The following AHNAK variants were observed in gnomAD, a reference collection of about 807,000 sequenced individuals.
AHNAK encodes AHNAK nucleoprotein, also known as neuroblast differentiation-associated protein AHNAK.
In AHNAK, 23 loss-of-function variants were observed where a neutral mutation model predicts 37.8. The observed-to-expected ratio is 0.61, with a 90% CI of 0.44 to 0.86. The LOEUF is 0.86. Among genes scored for constraint, AHNAK ranks in the 40% least tolerant of loss-of-function variants. The pLI, the probability that AHNAK is intolerant of heterozygous loss-of-function variation, is 0.00. For missense variants in AHNAK, 7,411 were observed against 7,319.4 expected, an observed-to-expected ratio of 1.01 and a Z score of -0.46; for synonymous variants, 2,481 against 2,636.3, an observed-to-expected ratio of 0.94 and a Z score of 1.80.
Position 62,529,451 on chromosome 11 carries a change from G to A in AHNAK, c.4966C>T (p.Pro1656Ser). Reference protein sequence around the residue: ...MHFKAPKISMPDVDLHLKGPK... With the variant: ...MHFKAPKISMSDVDLHLKGPK... ...CCTTTCAAGTGTAAGTCCACATCGG[G>A]CATGGAGATCTTGGGGGCCTTGAAA... Residue 1656 changes from proline (P) to serine (S), a missense_variant, in exon 5 of 5, where the codon CCC (proline) becomes TCC (serine). Physicochemically the swap from Pro to Ser is moderately conservative, Grantham distance 74. Coordinates refer to ENST00000378024, the MANE Select transcript of AHNAK (RefSeq NM_001620.3). 1 of 1,613,998 alleles carries A rather than the reference G, an allele frequency of 6.2e-7. No homozygotes were observed. The highest frequency in any genetic ancestry group is 8.5e-7 in the Non-Finnish European group (1 of 1,180,004).
chr11:62,485,832 C>T (rs1190979638), intron 5 of AHNAK, among the ~76,000 whole-genome samples: 3 of 151,020 alleles, frequency 2.0e-5, no homozygotes, highest in African/African-American at 7.3e-5. Context: ...GCCTGGCCAA[C>T]ATAGTGAAAT....
At chr11:62,440,811 G>T (rs1415132312) in intron 5 of AHNAK, among the ~76,000 whole-genome samples, 1 of 151,972 alleles carries the variant, frequency 6.6e-6, no homozygotes, top group Non-Finnish European at 1.5e-5. Context: ...AAGTTATAGT[G>T]GGGGTTCACA....
chr11:62,474,552 C>T (rs1939105399), intron 5 of AHNAK, among the ~76,000 whole-genome samples: 1 of 151,728 alleles, frequency 6.6e-6, no homozygotes, highest in African/African-American at 2.4e-5. Context: ...CTGAGAATTG[C>T]TGCCGCTTCT....
intron 1 of AHNAK, among the ~76,000 whole-genome samples, chr11:62,538,088 C>CAGT (rs1424235224): frequency 5.9e-5 from 9 of 152,110 alleles, no homozygotes; most frequent in Non-Finnish European, 1.0e-4. Context: ...TGTTCCACCT[C>CAGT]CCTCAGAGAC....
chr11:62,436,207 G>T (rs1386938932), intron 5 of AHNAK, among the ~76,000 whole-genome samples: 1 of 152,210 alleles, frequency 6.6e-6, no homozygotes, highest in Non-Finnish European at 1.5e-5. Context: ...TCATAAAGGG[G>T]CTGGGCTTCC....
Position 62,530,877 on chromosome 11 carries a change from A to C in AHNAK, c.3540T>G (p.Gly1180=), listed in dbSNP as rs941430791. Residue 1180 remains glycine, a synonymous_variant, in exon 5 of 5, where the codon GGT becomes GGG. Coordinates refer to ENST00000378024, the MANE Select transcript of AHNAK (RefSeq NM_001620.3). Reference sequence around the variant, plus strand: ...GCATCTCAGGCATCTTAAACTTGGGACCCTTCAGCTTCCCTTCTGGACCTT... The same window carrying C: ...GCATCTCAGGCATCTTAAACTTGGGCCCCTTCAGCTTCCCTTCTGGACCTT... The part of the protein sequence containing the change: ...SLEGPEGKLK[G]PKFKMPEMHF... The C allele has an allele frequency of 3.1e-6, 5 of 1,605,684 alleles. No individual in the cohort carries two copies. In the Admixed American group the frequency reaches 6.8e-5, roughly 22 times the overall value.
chr11:62,523,884 G>C lies in AHNAK; in HGVS notation c.10533C>G (p.Asn3511Lys). The C allele has an allele frequency of 6.2e-7, 1 of 1,614,054 alleles. No homozygotes were observed. The highest frequency in any genetic ancestry group is 8.5e-7 in the Non-Finnish European group (1 of 1,180,022). ...CCACATTGAGATCTGGGCCCTCAAT[G>C]TTCATACTTGGGCCCTCTATGTTGA... The part of the protein sequence containing the change: ...GDINIEGPSM[N>K]IEGPDLNVEG... The change falls in exon 5 of 5, where the codon AAC (asparagine) becomes AAG (lysine). Residue 3511 changes from asparagine to lysine, a missense_variant. Physicochemically the swap from Asn to Lys is moderately conservative, Grantham distance 94. Transcript: ENST00000378024.
intron 5 of AHNAK, among the ~76,000 whole-genome samples, chr11:62,460,114 G>C (rs1453088234): frequency 7.0e-6 from 1 of 143,140 alleles, no homozygotes; most frequent in Non-Finnish European, 1.5e-5. Flanking sequence ...GCAAAACTCC[G>C]TCTCAAAGAA....
Position 62,531,613 on chromosome 11 carries a change from T to C in AHNAK, c.2804A>G (p.Lys935Arg), listed in dbSNP as rs115789974. 24 of 1,613,510 alleles carry C rather than the reference T, an allele frequency of 1.5e-5. No individual in the cohort carries two copies. In the East Asian group the frequency reaches 3.6e-4, roughly 24 times the overall value. The change falls in exon 5 of 5, where the codon AAG (lysine) becomes AGG (arginine). Residue 935 changes from lysine (K) to arginine (R), a missense_variant. By Grantham distance (26) the Lys-to-Arg change is conservative. Transcript: ENST00000378024. ...PEGKLKGPKF[K>R]MPEMNIKAPK... ...GGCCTTGATATTCATCTCTGGCATC[T>C]TGAACTTGGGGCCCTTCAGCTTTCC...
chr11:62,436,566 A>G (rs1372663440), intron 5 of AHNAK, among the ~76,000 whole-genome samples: 1 of 151,612 alleles, frequency 6.6e-6, no homozygotes, highest in Admixed American at 6.6e-5. Flanking sequence ...CCAGGCACAT[A>G]TTGGGTGCTC....
At chr11:62,490,159 G>A (rs1939477521) in intron 5 of AHNAK, among the ~76,000 whole-genome samples, 1 of 151,788 alleles carries the variant, frequency 6.6e-6, no homozygotes, top group Non-Finnish European at 1.5e-5. Context: ...CAGCAAGAGG[G>A]GTTCGGGCTT....
chr11:62,477,803 A>G (rs1485975313), intron 5 of AHNAK, among the ~76,000 whole-genome samples: 2 of 142,886 alleles, frequency 1.4e-5, no homozygotes, highest in Non-Finnish European at 3.0e-5. Flanking sequence ...CTCCATCTCA[A>G]AAAAAAAAAA....
intron 5 of AHNAK, among the ~76,000 whole-genome samples, chr11:62,453,435 T>C (rs1938583743): frequency 6.6e-6 from 1 of 152,144 alleles, no homozygotes; most frequent in South Asian, 2.1e-4. Context: ...CTATAATTTA[T>C]TGGGTACTTA....
intron 5 of AHNAK, among the ~76,000 whole-genome samples, chr11:62,475,678 C>T (rs1184610036): frequency 6.9e-6 from 1 of 144,222 alleles, no homozygotes; most frequent in Non-Finnish European, 1.5e-5. Context: ...GATCTCAGCT[C>T]ACCGAAACCT....
intron 5 of AHNAK, among the ~76,000 whole-genome samples, chr11:62,479,231 G>A (rs1226644465): frequency 7.5e-6 from 1 of 132,980 alleles, no homozygotes; most frequent in Non-Finnish European, 1.5e-5. Flanking sequence ...ACAATGGCAC[G>A]ATCTCGGCTC....
At chr11:62,510,742 CCAAA>C (rs1229098047) in intron 4 of AHNAK, among the ~76,000 whole-genome samples, 1 of 149,982 alleles carries the variant, frequency 6.7e-6, no homozygotes, top group South Asian at 2.1e-4. Context: ...AGATTCTGTC[CCAAA>C]CAAACAAACA....
In AHNAK at chr11:62,532,448, T is replaced by C. The variant is rs1332373716; in HGVS notation, c.1969A>G (p.Ile657Val). The C allele has an allele frequency of 2.5e-6, 4 of 1,613,852 alleles. No individual in the cohort carries two copies. Among genetic ancestry groups the C allele is most frequent in the African/African-American group, 2.7e-5 (2 of 74,820 alleles). ...DVHMTLPKGDISISGPKVNVE... is the reference protein window; with the variant it reads ...DVHMTLPKGDVSISGPKVNVE... ...TTGACCTTGGGCCCTGAAATACTGA[T>C]ATCTCCTTTGGGTAGAGTCATATGA... Residue 657 changes from isoleucine to valine, a missense_variant, in exon 5 of 5, where the codon ATC (isoleucine) becomes GTC (valine). Coordinates refer to ENST00000378024, the MANE Select transcript of AHNAK (RefSeq NM_001620.3).
At chr11:62,460,360 T>C (rs944816095) in intron 5 of AHNAK, among the ~76,000 whole-genome samples, 6 of 152,012 alleles carry the variant, frequency 3.9e-5, no homozygotes, top group Non-Finnish European at 7.4e-5. Flanking sequence ...CATGACCATG[T>C]CCACAGGAAG....
Position 62,499,109 on chromosome 11 carries a change from T to C in AHNAK, c.343-7278A>G, listed in dbSNP as rs558623622. Among the ~76,000 whole-genome samples, 32 of 152,136 alleles carry C rather than the reference T, an allele frequency of 2.1e-4. No homozygotes were observed. The South Asian group carries it at 3.9e-3, about 19-fold the overall frequency. On this transcript the variant is annotated intron_variant, in intron 4 of 5. Coordinates refer to the AHNAK transcript ENST00000257247. ...GAAGACAGGCATGGGCATGGGGAGA[T>C]AAAATATGCCCGGAGGCAGGGGCAT...
Sources: allele counts gnomAD v4.1 joint callset (sites outside exome capture counted in the v4.1 genomes callset), GRCh38; gene constraint gnomAD v4.1.1; transcripts MANE v1.5; gene names NCBI Gene and HGNC (gene_info 2026-07-23, HGNC 2026-07-21).